Variants in PLEKHG1 observed in about 807,000 individuals in gnomAD.
PLEKHG1 encodes the protein pleckstrin homology domain-containing family G member 1.
A neutral mutation model predicts 100.8 loss-of-function variants in PLEKHG1; 44 were observed. The ratio of observed to expected loss-of-function variants is 0.44; its 90% confidence interval spans 0.34 to 0.56. The LOEUF (loss-of-function observed/expected upper bound fraction) is 0.56, where lower values mean the gene tolerates loss of function less well. PLEKHG1 is among the 20% of genes least tolerant of loss of function. The pLI, the probability that PLEKHG1 is intolerant of heterozygous loss-of-function variation, is 0.01. For missense variants in PLEKHG1, 1,545 were observed against 1,720.9 expected, an observed-to-expected ratio of 0.90 and a Z score of 1.81; for synonymous variants, 640 against 662.5, an observed-to-expected ratio of 0.97 and a Z score of 0.52.
At chr6:150,612,251 A>G (rs1582809459) in intron 1 of PLEKHG1, among the ~76,000 whole-genome samples, 4 of 152,230 alleles carry the variant, frequency 2.6e-5, no homozygotes, top group Admixed American at 2.6e-4. Context: ...AGAACTGCGA[A>G]GCCAGTGTTG....
chr6:150,789,010 T>C (rs150342125), intron 4 of PLEKHG1, among the ~76,000 whole-genome samples: 8 of 152,342 alleles, frequency 5.3e-5, no homozygotes, highest in Admixed American at 1.3e-4. Context: ...GTATGCTGTT[T>C]ACATATTAAG....
chr6:150,622,406 T>C (rs370156829), intron 1 of PLEKHG1, among the ~76,000 whole-genome samples: 9 of 152,260 alleles, frequency 5.9e-5, no homozygotes, highest in South Asian at 2.1e-4. Flanking sequence ...GTGGGCAGCT[T>C]GGTGGGTCAC....
At chr6:150,704,166 C>A (rs9397343) in intron 3 of PLEKHG1, among the ~76,000 whole-genome samples, 138,886 of 152,134 alleles carry the variant, frequency 0.91, 63,510 homozygotes, top group Non-Finnish European at 0.94. Flanking sequence ...GTGAGGGGGG[C>A]GATGTTTGCT....
chr6:150,828,233 C>G (rs1335406915), intron 14 of PLEKHG1: 1 of 1,613,754 alleles, frequency 6.2e-7, no homozygotes, highest in South Asian at 1.1e-5. Context: ...ATGAACCTGA[C>G]AAGAGATGAG....
chr6:150,634,598 A>G (rs1777912572), intron 1 of PLEKHG1, among the ~76,000 whole-genome samples: 2 of 152,234 alleles, frequency 1.3e-5, no homozygotes, highest in South Asian at 4.1e-4. Flanking sequence ...AACATCTAAA[A>G]TATTTCAACT....
At chr6:150,606,753 A>G (rs1776617244) in intron 1 of PLEKHG1, among the ~76,000 whole-genome samples, 1 of 152,142 alleles carries the variant, frequency 6.6e-6, no homozygotes, top group Non-Finnish European at 1.5e-5. Context: ...GTAATCAAGT[A>G]TGCATTCATG....
intron 3 of PLEKHG1, among the ~76,000 whole-genome samples, chr6:150,673,950 C>T (rs1238536720): frequency 6.6e-6 from 1 of 152,190 alleles, no homozygotes; most frequent in African/African-American, 2.4e-5. Context: ...TGGGCGTGTG[C>T]CACCGCGCTC....
intron 14 of PLEKHG1, chr6:150,827,701 C>A: frequency 8.9e-7 from 1 of 1,129,120 alleles, no homozygotes; most frequent in South Asian, 1.2e-5. Flanking sequence ...GGAATGACAT[C>A]TTACGCAAAA....
At position 150,675,771 on chromosome 6, in the gene PLEKHG1, G is replaced by T. The variant is rs143767466; in HGVS notation, c.-99+24985G>T. 7.2e-3 allele frequency among the ~76,000 whole-genome samples: 1,101 copies of T among 152,322 alleles called. 9 individuals carry two copies. The highest frequency in any genetic ancestry group is 0.011 in the Non-Finnish European group (777 of 68,026). On this transcript the variant is annotated intron_variant, in intron 3 of 3. Coordinates refer to the PLEKHG1 transcript ENST00000367326. ...CGAAGTGCTGGGATTACAGGCATGAGCCACCATACCTGGCTGATAAAACTT... is the reference window on the plus strand; with the variant it reads ...CGAAGTGCTGGGATTACAGGCATGATCCACCATACCTGGCTGATAAAACTT...
At chr6:150,678,341 A>G (rs756095916) in intron 3 of PLEKHG1, among the ~76,000 whole-genome samples, 1 of 151,944 alleles carries the variant, frequency 6.6e-6, no homozygotes, top group Non-Finnish European at 1.5e-5. Flanking sequence ...TTCCCAATGA[A>G]CACCTAAATT....
intron 3 of PLEKHG1, among the ~76,000 whole-genome samples, chr6:150,696,312 A>T (rs1780541937): frequency 6.6e-6 from 1 of 152,206 alleles, no homozygotes; most frequent in Non-Finnish European, 1.5e-5. Flanking sequence ...TCTTTGAGCG[A>T]CGTCTGCTTC....
chr6:150,833,043 A>AT (rs57683244), intron 15 of PLEKHG1, among the ~76,000 whole-genome samples: 2,835 of 133,484 alleles, frequency 0.021, 76 homozygotes, highest in African/African-American at 0.063. Context: ...TTACTACTCA[A>AT]TTTTTTTTTT....
intron 1 of PLEKHG1, among the ~76,000 whole-genome samples, chr6:150,723,061 G>C (rs1439688301): frequency 2.0e-5 from 3 of 152,170 alleles, no homozygotes; most frequent in African/African-American, 7.2e-5. Flanking sequence ...TGCTATTAGA[G>C]GGCCACTGCT....
intron 7 of PLEKHG1, among the ~76,000 whole-genome samples, chr6:150,808,230 AAAAG>A (rs994902158): frequency 2.5e-4 from 38 of 152,268 alleles, no homozygotes; most frequent in African/African-American, 8.4e-4. Context: ...TTTTAACAAA[AAAAG>A]CACTAAAACA....
chr6:150,707,482 G>A (rs549512028), intron 3 of PLEKHG1, among the ~76,000 whole-genome samples: 4 of 152,216 alleles, frequency 2.6e-5, no homozygotes, highest in African/African-American at 9.6e-5. Context: ...AAGGAGTGGC[G>A]GAGGACAGGT....
chr6:150,684,156 G>T (rs1780031759), intron 3 of PLEKHG1, among the ~76,000 whole-genome samples: 1 of 152,232 alleles, frequency 6.6e-6, no homozygotes, highest in Middle Eastern at 3.4e-3. Context: ...TTAGATCCAG[G>T]CTGACAATGT....
chr6:150,629,618 G>A (rs1489455463), intron 1 of PLEKHG1, among the ~76,000 whole-genome samples: 10 of 152,008 alleles, frequency 6.6e-5, no homozygotes, highest in East Asian at 1.9e-4. Flanking sequence ...GCGGCATCAC[G>A]CCCAGCTAAT....
At chr6:150,830,915 G>A (rs753755091) in exon 15 of PLEKHG1, 6 of 1,613,968 alleles carry the variant, frequency 3.7e-6, no homozygotes, top group Non-Finnish European at 5.1e-6. Flanking sequence ...CTCCAGCTCT[G>A]GTCACAGGAT....
At chr6:150,797,987 A>C (rs6557097) in intron 5 of PLEKHG1, among the ~76,000 whole-genome samples, 104,640 of 151,828 alleles carry the variant, frequency 0.69, 37,428 homozygotes, top group East Asian at 0.92. Flanking sequence ...AATAAATAGA[A>C]CCACATGCAT....
Sources: gnomAD v4.1 joint callset for allele counts (sites outside exome capture counted in the v4.1 genomes callset) on GRCh38, gnomAD v4.1.1 for gene constraint, MANE v1.5 for transcripts, NCBI Gene and HGNC (gene_info 2026-07-23, HGNC 2026-07-21) for gene names.